The following GABRG3 variants were observed in gnomAD, a reference collection of about 807,000 sequenced individuals.
GABRG3 encodes gamma-aminobutyric acid type A receptor subunit gamma3.
Under a neutral mutation model 48.8 loss-of-function variants are expected in GABRG3, and 25 were observed. That is an observed-to-expected ratio of 0.51 (90% CI 0.37 to 0.72). The LOEUF (loss-of-function observed/expected upper bound fraction) is 0.72, where lower values mean the gene tolerates loss of function less well. Ranked by LOEUF, GABRG3 falls within the 30% of genes least tolerant of loss-of-function variation. GABRG3 has a pLI of 0.00. For missense variants in GABRG3, 394 were observed against 577.9 expected (o/e 0.68, Z 3.26); for synonymous variants, 227 against 217.6 (o/e 1.04, Z -0.38).
intron 3 of GABRG3, among the ~76,000 whole-genome samples, chr15:27,242,618 A>G (rs926132414): frequency 2.0e-5 from 3 of 152,228 alleles, no homozygotes; most frequent in Non-Finnish European, 4.4e-5. Flanking sequence ...CAATGTATTT[A>G]TCAAACCCAT....
chr15:27,526,057 A>G (rs1891270026), intron 7 of GABRG3, among the ~76,000 whole-genome samples: 3 of 152,316 alleles, frequency 2.0e-5, no homozygotes, highest in South Asian at 4.1e-4. Context: ...ATGAAATTTT[A>G]CCACCTATAT....
intron 3 of GABRG3, among the ~76,000 whole-genome samples, chr15:27,200,620 A>G (rs569336000): frequency 6.6e-6 from 1 of 152,240 alleles, no homozygotes; most frequent in Admixed American, 6.5e-5. Context: ...CAAGTTGGCA[A>G]AGTTTTTCTG....
rs569735885 is a variant in GABRG3, at chr15:27,012,770, C to T, written c.203-13984C>T. On this transcript the variant is annotated intron_variant, in intron 2 of 9. Transcript: ENST00000615808. ...GTTTACTTGTTTAATCTCCGTTTCACGCACTGTGATTTAAATGCTAAGAAA... is the reference window on the plus strand; with the variant it reads ...GTTTACTTGTTTAATCTCCGTTTCATGCACTGTGATTTAAATGCTAAGAAA... Among the ~76,000 whole-genome samples the T allele has an allele frequency of 6.6e-5, 10 of 152,266 alleles. 1 individual carries two copies. In the Middle Eastern group the frequency reaches 0.02, roughly 311 times the overall value.
intron 7 of GABRG3, among the ~76,000 whole-genome samples, chr15:27,522,706 A>C (rs142852813): frequency 1.3e-5 from 2 of 151,972 alleles, no homozygotes; most frequent in African/African-American, 4.8e-5. Context: ...TTCAATGTAG[A>C]AATAAATAGG....
intron 3 of GABRG3, chr15:27,271,777 T>C (rs960459860): frequency 2.7e-6 from 1 of 368,030 alleles, no homozygotes; most frequent in African/African-American, 2.1e-5. Flanking sequence ...CAGGGACGCA[T>C]AGGCAGGTGA....
rs560577371 is a variant in GABRG3, at chr15:27,077,910, C to T, written c.270+51089C>T. 2.0e-5 allele frequency among the ~76,000 whole-genome samples: 3 copies of T among 152,308 alleles called. No homozygotes were observed. The South Asian group carries it at 6.2e-4, about 32-fold the overall frequency. ...CACAGCCCAGCAAATATCAGGGGAG[C>T]TATTGTGCACCCCAGCCATTCCTCA... On this transcript the variant is annotated intron_variant, in intron 3 of 9. Coordinates refer to ENST00000615808, the MANE Select transcript of GABRG3 (RefSeq NM_033223.5).
At chr15:27,361,065 T>G (rs1895007128) in intron 5 of GABRG3, among the ~76,000 whole-genome samples, 1 of 152,172 alleles carries the variant, frequency 6.6e-6, no homozygotes, top group Non-Finnish European at 1.5e-5. Context: ...TGACCACTCA[T>G]AGCAAAGCCC....
At chr15:26,994,730 GTTC>G (rs1480443879) in intron 2 of GABRG3, among the ~76,000 whole-genome samples, 2 of 151,822 alleles carry the variant, frequency 1.3e-5, no homozygotes, top group Non-Finnish European at 1.5e-5. Flanking sequence ...GTTTGAGTGT[GTTC>G]TTCATTTTCC....
intron 3 of GABRG3, among the ~76,000 whole-genome samples, chr15:27,245,355 CTG>C (rs1646848941): frequency 6.6e-6 from 1 of 152,132 alleles, no homozygotes; most frequent in South Asian, 2.1e-4. Context: ...TGAAATAAGA[CTG>C]ATAAAAGTTG....
Position 27,352,036 on chromosome 15 carries a change from AGT to A in GABRG3, c.574+23159_574+23160del, listed in dbSNP as rs369241845. On this transcript the variant is annotated intron_variant, in intron 5 of 9. Transcript: ENST00000615808. This position sits in a 1 kb window ranked among gnomAD's most constrained non-coding sequence, Gnocchi z 4.0. Reference sequence around the variant, plus strand: ...GTGGGTTTATGGTGTATGCGTGTATAGTGTGTGTGTGTATGGTATGTGTGTAT... The same window carrying A: ...GTGGGTTTATGGTGTATGCGTGTATAGTGTGTGTGTATGGTATGTGTGTAT... Among the ~76,000 whole-genome samples the A allele has an allele frequency of 3.4e-4, 44 of 127,708 alleles. 1 individual carries two copies. The highest frequency in any genetic ancestry group is 1.1e-3 in the African/African-American group (35 of 32,936). 83.8% of individuals were successfully genotyped at this position (127,708 alleles called of 152,430 possible). A position where few individuals can be genotyped will look rare whatever the true frequency, so the allele number is the denominator to read the frequency against.
intron 9 of GABRG3, among the ~76,000 whole-genome samples, chr15:27,531,957 C>T (rs1891433501): frequency 1.3e-5 from 2 of 152,268 alleles, no homozygotes; most frequent in African/African-American, 4.8e-5. Flanking sequence ...TAAGCGGTGT[C>T]CAGCCACCTC....
At chr15:27,466,818 C>G (rs937687104) in intron 5 of GABRG3, among the ~76,000 whole-genome samples, 2 of 152,212 alleles carry the variant, frequency 1.3e-5, no homozygotes, top group Non-Finnish European at 2.9e-5. Flanking sequence ...CCCCACCACC[C>G]TCTTTAGCAG....
At chr15:27,471,718 C>T (rs1033119391) in intron 5 of GABRG3, among the ~76,000 whole-genome samples, 2 of 152,164 alleles carry the variant, frequency 1.3e-5, no homozygotes, top group Admixed American at 6.5e-5. Flanking sequence ...TTGATTTTTT[C>T]TCATATGGCT....
At chr15:27,182,421 G>T in intron 3 of GABRG3, among the ~76,000 whole-genome samples, 1 of 152,206 alleles carries the variant, frequency 6.6e-6, no homozygotes, top group East Asian at 1.9e-4. Context: ...TCCATGGATT[G>T]TACAGGTTTG....
At chr15:27,347,420 C>T (rs764306216) in intron 5 of GABRG3, among the ~76,000 whole-genome samples, 5 of 152,152 alleles carry the variant, frequency 3.3e-5, no homozygotes, top group Non-Finnish European at 7.3e-5. Flanking sequence ...TTCCCTTTCC[C>T]AGCTACAGTG....
At chr15:27,273,088 T>A (rs1171132623) in intron 3 of GABRG3, among the ~76,000 whole-genome samples, 2 of 152,160 alleles carry the variant, frequency 1.3e-5, no homozygotes, top group East Asian at 3.9e-4. Context: ...GTTTGTTGAC[T>A]CTTATTCTAC....
At chr15:27,076,113 A>T (rs767258826) in intron 3 of GABRG3, among the ~76,000 whole-genome samples, 1 of 152,012 alleles carries the variant, frequency 6.6e-6, no homozygotes, top group Non-Finnish European at 1.5e-5. Context: ...TTCTGCCATC[A>T]GTGGTTTCAG....
chr15:27,462,478 C>G (rs570604650), intron 5 of GABRG3, among the ~76,000 whole-genome samples: 1 of 152,184 alleles, frequency 6.6e-6, no homozygotes, highest in African/African-American at 2.4e-5. Flanking sequence ...TGAAAGAACA[C>G]AGAAATGATA....
At chr15:27,359,433 CTT>C (rs1317229402) in intron 5 of GABRG3, among the ~76,000 whole-genome samples, 1 of 152,166 alleles carries the variant, frequency 6.6e-6, no homozygotes, top group Non-Finnish European at 1.5e-5. Context: ...GTGACTAAAA[CTT>C]AATTTAATGA....
Sources: gnomAD v4.1 joint callset for allele counts (sites outside exome capture counted in the v4.1 genomes callset) on GRCh38, gnomAD v4.1.1 for gene constraint, Gnocchi (gnomAD v3.1) non-coding constraint, MANE v1.5 for transcripts, NCBI Gene and HGNC (gene_info 2026-07-23, HGNC 2026-07-21) for gene names.